The following CDH2 variants were observed in gnomAD, a reference collection of about 807,000 sequenced individuals.
CDH2 encodes cadherin 2, also known as cadherin-2.
Under a neutral mutation model 92.0 loss-of-function variants are expected in CDH2, and 17 were observed. The ratio of observed to expected loss-of-function variants is 0.18; its 90% CI spans 0.13 to 0.28. The LOEUF (loss-of-function observed/expected upper bound fraction) is 0.28. Among genes scored for constraint, CDH2 ranks in the 10% least tolerant of loss-of-function variants. CDH2 has a pLI of 1.00. For synonymous variants in CDH2, 419 were observed against 415.9 expected (o/e 1.01, Z -0.09); for missense variants, 862 against 1,133.1 (o/e 0.76, Z 3.44).
Position 27,985,123 on chromosome 18 carries a change from G to A in CDH2, c.2086C>T (p.Leu696=). The A allele has an allele frequency of 6.2e-7, 1 of 1,613,718 alleles. No homozygotes were observed. The highest frequency in any genetic ancestry group is 8.5e-7 in the Non-Finnish European group (1 of 1,179,656). The change falls in exon 13 of 16, where the codon CTG becomes TTG. Residue 696 remains leucine, a synonymous_variant. Transcript: ENST00000269141. Reference sequence around the variant, plus strand: ...TCACACTGGCAAACCTTCACACGCAGGATGGAAATATTTGATTTGGGAGGA... The same window carrying A: ...TCACACTGGCAAACCTTCACACGCAAGATGGAAATATTTGATTTGGGAGGA... ...GNPPKSNISI[L]RVKVCQCDSN... is the part of the protein sequence containing the mutation.
chr18:28,171,877 CTGCCCTGG>C (rs981641081), intron 1 of CDH2, among the ~76,000 whole-genome samples: 11 of 152,238 alleles, frequency 7.2e-5, no homozygotes, highest in Admixed American at 3.3e-4. Flanking sequence ...CCCATGCTTC[CTGCCCTGG>C]ACACTAGCTC....
At chr18:27,950,425 A>G (rs1274162567), downstream of CDH2, among the ~76,000 whole-genome samples, 1 of 152,108 alleles carries the variant, frequency 6.6e-6, no homozygotes, top group Non-Finnish European at 1.5e-5. Context: ...GCCCTCTGCA[A>G]CCATTACTAT....
chr18:28,043,496 A>ACAGG (rs2014002492), intron 2 of CDH2, among the ~76,000 whole-genome samples: 1 of 48,728 alleles, frequency 2.1e-5, no homozygotes, highest in African/African-American at 2.2e-4. Context: ...ATATATATAA[A>ACAGG]TATATATATA....
intron 1 of CDH2, 58 bp downstream of exon 1, chr18:28,176,905 A>T (rs1598530473): frequency 1.0e-6 from 1 of 992,564 alleles, no homozygotes; most frequent in Non-Finnish European, 1.2e-6. Flanking sequence ...GAACAAAGGG[A>T]CCCGGCGCCG....
chr18:28,057,949 G>A (rs1216284051), intron 2 of CDH2, among the ~76,000 whole-genome samples: 3 of 152,098 alleles, frequency 2.0e-5, no homozygotes, highest in Non-Finnish European at 2.9e-5. Context: ...TATTGGTTTG[G>A]TGATTGTTCT....
At chr18:28,171,193 T>C (rs2016459600) in intron 1 of CDH2, among the ~76,000 whole-genome samples, 1 of 147,636 alleles carries the variant, frequency 6.8e-6, no homozygotes, top group Non-Finnish European at 1.5e-5. Flanking sequence ...ACTGTGCCAC[T>C]GCACTCCAGC....
chr18:28,153,840 T>C lies in CDH2; in HGVS notation c.61-6056A>G, dbSNP rs17495160. On this transcript the variant is annotated intron_variant, in intron 1 of 15. Coordinates refer to ENST00000269141, the MANE Select transcript of CDH2 (RefSeq NM_001792.5). ...TTTGTCATCACAGTACTAATACTAT[T>C]GGGGCAACACGAATCCAACTCATGG... 9.3e-3 allele frequency among the ~76,000 whole-genome samples: 1,419 copies of C among 152,286 alleles called. 29 individuals carry two copies. Among genetic ancestry groups the C allele is most frequent in the African/African-American group, 0.032 (1,332 of 41,552 alleles).
chr18:28,120,573 T>C (rs1342920290), intron 2 of CDH2, among the ~76,000 whole-genome samples: 1 of 152,138 alleles, frequency 6.6e-6, no homozygotes, highest in Non-Finnish European at 1.5e-5. Context: ...TAATGGTACA[T>C]GGCCGAACAC....
In CDH2 at chr18:28,164,198, T is replaced by C. The variant is rs181957259; in HGVS notation, c.60+12765A>G. 7.2e-5 allele frequency among the ~76,000 whole-genome samples: 11 copies of C among 152,294 alleles called. No homozygotes were observed. In the East Asian group the frequency reaches 2.1e-3, roughly 29 times the overall value. ...GTTTTTCTGCCTAGATTCAAATACA[T>C]ATCAAACCTAGATACACAGGCCCTG... On this transcript the variant is annotated intron_variant, in intron 1 of 15. Transcript: ENST00000269141.
intron 5 of CDH2, among the ~76,000 whole-genome samples, chr18:28,006,651 G>A (rs1286030380): frequency 4.0e-5 from 6 of 149,862 alleles, no homozygotes; most frequent in Non-Finnish European, 1.5e-5. Flanking sequence ...ACTTGAACCC[G>A]AGGTTGCAGT....
At chr18:28,167,523 C>A (rs2016404041) in intron 1 of CDH2, among the ~76,000 whole-genome samples, 1 of 151,934 alleles carries the variant, frequency 6.6e-6, no homozygotes, top group Non-Finnish European at 1.5e-5. Context: ...GTGGAAGATG[C>A]CAGACACAAA....
intron 2 of CDH2, among the ~76,000 whole-genome samples, chr18:28,070,860 C>A (rs1017939292): frequency 6.6e-6 from 1 of 152,126 alleles, no homozygotes. Flanking sequence ...TGGTAGGATT[C>A]GAATTAAATT....
intron 2 of CDH2, among the ~76,000 whole-genome samples, chr18:28,058,864 T>G (rs2014347201): frequency 6.6e-6 from 1 of 152,226 alleles, no homozygotes; most frequent in African/African-American, 2.4e-5. Context: ...AGTAGGAGTC[T>G]GTGCAGTTGC....
At chr18:28,045,150 C>A (rs1025849545) in intron 2 of CDH2, among the ~76,000 whole-genome samples, 1 of 152,120 alleles carries the variant, frequency 6.6e-6, no homozygotes, top group Admixed American at 6.5e-5. Flanking sequence ...ATAGTTCTTC[C>A]TCATCCAACT....
At chr18:28,094,118 A>G (rs1282812488) in intron 2 of CDH2, among the ~76,000 whole-genome samples, 1 of 152,174 alleles carries the variant, frequency 6.6e-6, no homozygotes, top group Non-Finnish European at 1.5e-5. Flanking sequence ...ATCTCCCTTT[A>G]AAAGAAACCC....
At chr18:28,132,038 TC>T (rs953993704) in intron 2 of CDH2, among the ~76,000 whole-genome samples, 5 of 152,154 alleles carry the variant, frequency 3.3e-5, no homozygotes, top group African/African-American at 9.7e-5. Flanking sequence ...CCTCTCAGGC[TC>T]ATTGAAAAAG....
intron 2 of CDH2, among the ~76,000 whole-genome samples, chr18:28,096,754 A>T (rs2015141918): frequency 6.6e-6 from 1 of 152,228 alleles, no homozygotes; most frequent in Admixed American, 6.5e-5. Flanking sequence ...CATAAACAAA[A>T]CAAAAATTTG....
intron 14 of CDH2, among the ~76,000 whole-genome samples, chr18:27,978,866 G>A (rs965931894): frequency 2.0e-5 from 3 of 151,786 alleles, no homozygotes; most frequent in African/African-American, 4.8e-5. Flanking sequence ...ATGTTGCCCA[G>A]GCTGGTCTTG....
chr18:28,039,422 C>G (rs899871131), intron 2 of CDH2, among the ~76,000 whole-genome samples: 1 of 152,092 alleles, frequency 6.6e-6, no homozygotes, highest in African/African-American at 2.4e-5. Context: ...ATTTCGCATA[C>G]AGGATCATAT....
Sources: allele counts gnomAD v4.1 joint callset (sites outside exome capture counted in the v4.1 genomes callset), GRCh38; gene constraint gnomAD v4.1.1; transcripts MANE v1.5; gene names NCBI Gene and HGNC (gene_info 2026-07-23, HGNC 2026-07-21).